PIGL: variants seen among roughly 807,000 people sequenced by gnomAD.
PIGL encodes phosphatidylinositol glycan anchor biosynthesis class L.
In PIGL, 22 loss-of-function variants were observed where a neutral mutation model predicts 31.1. The ratio of observed to expected loss-of-function variants is 0.71; its 90% confidence interval spans 0.51 to 1.01. PIGL has a LOEUF of 1.01. Ranked by LOEUF, PIGL falls within the 50% of genes least tolerant of loss-of-function variation. The pLI, the probability that PIGL is intolerant of heterozygous loss-of-function variation, is 0.00. For missense variants in PIGL, 302 were observed against 315.9 expected, an observed-to-expected ratio of 0.96 and a Z score of 0.33; for synonymous variants, 131 against 117.4, an observed-to-expected ratio of 1.12 and a Z score of -0.75.
intron 2 of PIGL, among the ~76,000 whole-genome samples, chr17:16,237,993 C>G (rs969404406): frequency 2.6e-5 from 4 of 150,994 alleles, no homozygotes; most frequent in Non-Finnish European, 5.9e-5. Flanking sequence ...GTCAGGAGTT[C>G]GAGACCAGCC....
chr17:16,268,329 T>C (rs2092854283), intron 2 of PIGL, among the ~76,000 whole-genome samples: 2 of 151,844 alleles, frequency 1.3e-5, no homozygotes, highest in Admixed American at 1.3e-4. Flanking sequence ...AAGTGAGATA[T>C]TTGCTTCTGA....
At position 16,233,991 on chromosome 17, in the gene PIGL, G is replaced by A. The variant is rs764862840; in HGVS notation, c.256G>A (p.Glu86Lys). 6.2e-7 allele frequency: 1 copy of A among 1,607,514 alleles called. No individual in the cohort carries two copies. Among genetic ancestry groups the A allele is most frequent in the African/African-American group, 1.3e-5 (1 of 74,752 alleles). Reference protein sequence around the residue: ...FSAGNYYNQGETRKKELLQSC... With the variant: ...FSAGNYYNQGKTRKKELLQSC... ...CTCAGGAAATTACTACAATCAAGGA[G>A]AGACTCGTAAGAAAGAACTTTTGCA... The change falls in exon 2 of 7, where the codon GAG becomes AAG. Residue 86 changes from glutamate (E) to lysine (K), a missense_variant. Transcript: ENST00000225609.
intron 3 of PIGL, among the ~76,000 whole-genome samples, chr17:16,308,127 G>A (rs1160282841): frequency 6.6e-6 from 1 of 152,108 alleles, no homozygotes; most frequent in African/African-American, 2.4e-5. Context: ...GAGGTCAGGA[G>A]TTTGAGCCCA....
Position 16,233,963 on chromosome 17 carries a change from A to C in PIGL, c.236-8A>C. 1 of 1,538,064 alleles carries C rather than the reference A, an allele frequency of 6.5e-7. No individual in the cohort carries two copies. The highest frequency in any genetic ancestry group is 9.0e-7 in the Non-Finnish European group (1 of 1,112,508). On this transcript the variant is annotated splice_region_variant and splice_polypyrimidine_tract_variant and intron_variant, in intron 1 of 6. Coordinates refer to ENST00000225609, the MANE Select transcript of PIGL (RefSeq NM_004278.4). ...AAAAATCTACCACTGTATATTTGTT[A>C]CCCTCAGGAAATTACTACAATCAAG...
At chr17:16,312,293 C>A (rs185132538) in intron 3 of PIGL, 6,387 of 159,900 alleles carry the variant, frequency 0.04, 287 homozygotes, top group African/African-American at 0.11. Context: ...GGGTCGCGGC[C>A]GGGCAGAGGC....
At chr17:16,228,470 C>T (rs1013777914) in intron 1 of PIGL, among the ~76,000 whole-genome samples, 3 of 152,092 alleles carry the variant, frequency 2.0e-5, no homozygotes, top group Admixed American at 6.6e-5. Flanking sequence ...CTGCAAGCTC[C>T]GCCTCCCGGG....
intron 6 of PIGL, among the ~76,000 whole-genome samples, chr17:16,318,965 C>T (rs980206445): frequency 1.3e-5 from 2 of 151,202 alleles, no homozygotes; most frequent in South Asian, 4.2e-4. Flanking sequence ...TTTAACAATA[C>T]GTTATGGGCT....
At chr17:16,280,254 G>A (rs2142790229) in intron 2 of PIGL, among the ~76,000 whole-genome samples, 1 of 152,346 alleles carries the variant, frequency 6.6e-6, no homozygotes, top group Admixed American at 6.5e-5. Flanking sequence ...CATACTGACT[G>A]TACTTGAGAG....
chr17:16,245,894 G>T (rs894101925), intron 2 of PIGL, among the ~76,000 whole-genome samples: 4 of 150,702 alleles, frequency 2.7e-5, no homozygotes, highest in Admixed American at 2.0e-4. Flanking sequence ...ATCTCAGCTC[G>T]CTTCAAGCTC....
chr17:16,219,001 G>A (rs964829695), intron 1 of PIGL, among the ~76,000 whole-genome samples: 2 of 150,828 alleles, frequency 1.3e-5, no homozygotes, highest in African/African-American at 4.9e-5. Flanking sequence ...ATTCTTACTG[G>A]CACTAATGAG....
intron 3 of PIGL, among the ~76,000 whole-genome samples, chr17:16,300,499 G>A (rs1237486145): frequency 2.6e-5 from 4 of 152,144 alleles, no homozygotes; most frequent in Admixed American, 2.6e-4. Flanking sequence ...TGGCCAGCAT[G>A]GTGAAACCCC....
At chr17:16,228,522 G>A (rs1228784550) in intron 1 of PIGL, among the ~76,000 whole-genome samples, 1 of 151,826 alleles carries the variant, frequency 6.6e-6, no homozygotes, top group Admixed American at 6.6e-5. Flanking sequence ...CCGAGTAGCT[G>A]GGACTACAGG....
chr17:16,239,397 C>T (rs1267565481), intron 2 of PIGL, among the ~76,000 whole-genome samples: 2 of 151,572 alleles, frequency 1.3e-5, no homozygotes, highest in Non-Finnish European at 2.9e-5. Flanking sequence ...GCAGGAGAAT[C>T]GCTTGAACCC....
At chr17:16,306,749 G>A (rs951776037) in intron 3 of PIGL, among the ~76,000 whole-genome samples, 2 of 151,800 alleles carry the variant, frequency 1.3e-5, no homozygotes, top group East Asian at 1.9e-4. Context: ...GGCTGGTCTC[G>A]AACCCCCAAC....
chr17:16,248,943 T>G (rs1018802583), intron 2 of PIGL, among the ~76,000 whole-genome samples: 1 of 152,164 alleles, frequency 6.6e-6, no homozygotes, highest in Non-Finnish European at 1.5e-5. Flanking sequence ...TGCACATGGC[T>G]GCCTTCTCAC....
intron 2 of PIGL, among the ~76,000 whole-genome samples, chr17:16,249,394 G>A (rs903336833): frequency 2.6e-5 from 4 of 152,176 alleles, no homozygotes; most frequent in African/African-American, 4.8e-5. Flanking sequence ...CACAAGAATC[G>A]CTTGAATCTG....
At chr17:16,289,176 G>A (rs1263125384) in intron 2 of PIGL, among the ~76,000 whole-genome samples, 1 of 151,912 alleles carries the variant, frequency 6.6e-6, no homozygotes, top group South Asian at 2.1e-4. Context: ...CTCTGTATTC[G>A]AAGGTTTAGG....
At chr17:16,288,561 C>T (rs961164850) in intron 2 of PIGL, among the ~76,000 whole-genome samples, 4 of 149,630 alleles carry the variant, frequency 2.7e-5, no homozygotes, top group Admixed American at 6.7e-5. Context: ...TTTTTGAAAC[C>T]GGAGTTTCGC....
chr17:16,217,667 C>A lies in PIGL; in HGVS notation c.235+206C>A. 3 of 559,246 alleles carry A rather than the reference C, an allele frequency of 5.4e-6. No homozygotes were observed. The South Asian group carries it at 7.2e-5, about 13-fold the overall frequency. 34.6% of individuals were successfully genotyped at this position (559,246 alleles called of 1,614,324 possible). On this transcript the variant is annotated intron_variant, in intron 1 of 6. Coordinates refer to ENST00000225609, the MANE Select transcript of PIGL (RefSeq NM_004278.4). Reference sequence around the variant, plus strand: ...GGGGACGTCGGCAGCTCGCGTACTACGCCAGCAGGATTGAGGAGCAGAGAA... The same window carrying A: ...GGGGACGTCGGCAGCTCGCGTACTAAGCCAGCAGGATTGAGGAGCAGAGAA...
Sources: gnomAD v4.1 joint callset for allele counts (sites outside exome capture counted in the v4.1 genomes callset) on GRCh38, gnomAD v4.1.1 for gene constraint, MANE v1.5 for transcripts, NCBI Gene and HGNC (gene_info 2026-07-23, HGNC 2026-07-21) for gene names.